Variants in PSMB1 observed in about 807,000 individuals in gnomAD.
PSMB1 encodes proteasome subunit beta type-1.
A neutral mutation model predicts 25.4 loss-of-function variants in PSMB1; 7 were observed. That is an observed-to-expected ratio of 0.28 (90% confidence interval 0.16 to 0.52). PSMB1 has a LOEUF of 0.52. PSMB1 is among the 20% of genes least tolerant of loss of function. The probability of loss-of-function intolerance (pLI) is 0.97; values close to 1 mark genes in which losing one functional copy is unlikely to be tolerated. For synonymous variants in PSMB1, 119 were observed against 115.0 expected (o/e 1.03, Z -0.22); for missense variants, 284 against 302.2 (o/e 0.94, Z 0.45).
At chr6:170,543,265 A>G (rs74600866) in intron 4 of PSMB1, among the ~76,000 whole-genome samples, 1 of 152,168 alleles carries the variant, frequency 6.6e-6, no homozygotes, top group African/African-American at 2.4e-5. Context: ...ATTTGTTAAT[A>G]AAAAAATTTT....
chr6:170,543,652 G>A lies in PSMB1; in HGVS notation c.382C>T (p.Arg128Cys), dbSNP rs2114978149. Residue 128 changes from arginine (R) to cysteine (C), a missense_variant, in exon 4 of 6, where the codon CGC becomes TGC. By Grantham distance (180) the Arg-to-Cys change is radical. Transcript: ENST00000262193. ...TTGTAAACATAGTATGGAAAGAAGCGCCTTGAATACAGGATTGTAGACAGC... is the reference window on the plus strand; with the variant it reads ...TTGTAAACATAGTATGGAAAGAAGCACCTTGAATACAGGATTGTAGACAGC... Reference protein sequence around the residue: ...AMLSTILYSRRFFPYYVYNII... With the variant: ...AMLSTILYSRCFFPYYVYNII... The A allele has an allele frequency of 6.2e-7, 1 of 1,611,352 alleles. No individual in the cohort carries two copies.
At chr6:170,550,038 T>C (rs564364179) in intron 1 of PSMB1, 2 of 152,284 alleles carry the variant, frequency 1.3e-5, no homozygotes, top group South Asian at 2.1e-4. Flanking sequence ...TCACAAGGTG[T>C]GTATATATAT....
At chr6:170,548,091 G>A (rs1220379795) in intron 2 of PSMB1, among the ~76,000 whole-genome samples, 2 of 152,170 alleles carry the variant, frequency 1.3e-5, no homozygotes, top group Non-Finnish European at 2.9e-5. Context: ...CAGAAAGGGG[G>A]TATCAAAAGA....
At chr6:170,536,625 C>T (rs929727374) in intron 5 of PSMB1, 6 of 362,046 alleles carry the variant, frequency 1.7e-5, no homozygotes, top group African/African-American at 1.3e-4. Flanking sequence ...TTTTCTCTTC[C>T]TATAATTTTC....
rs1311423483 is a variant in PSMB1, at chr6:170,535,639, G to A, written c.541-234C>T. Among the ~76,000 whole-genome samples, 5 of 152,192 alleles carry A rather than the reference G, an allele frequency of 3.3e-5. No homozygotes were observed. In the South Asian group the frequency reaches 8.3e-4, roughly 25 times the overall value. On this transcript the variant is annotated intron_variant, in intron 5 of 5. Coordinates refer to ENST00000262193, the MANE Select transcript of PSMB1 (RefSeq NM_002793.4). Reference sequence around the variant, plus strand: ...CCCACTCTTGAGAAGCACATGACCCGGAGAGGTGGACGTATGCAAGCAAAG... The same window carrying A: ...CCCACTCTTGAGAAGCACATGACCCAGAGAGGTGGACGTATGCAAGCAAAG...
At chr6:170,545,120 G>A (rs1359525943) in intron 3 of PSMB1, among the ~76,000 whole-genome samples, 1 of 151,134 alleles carries the variant, frequency 6.6e-6, no homozygotes, top group Non-Finnish European at 1.5e-5. Context: ...CTCCAGCCTG[G>A]GCAACAAGAG....
At chr6:170,536,878 T>C (rs553346767) in intron 5 of PSMB1, among the ~76,000 whole-genome samples, 7 of 152,222 alleles carry the variant, frequency 4.6e-5, no homozygotes, top group Admixed American at 1.3e-4. Context: ...AAGTACAGTA[T>C]TGGGTAACAC....
Position 170,537,347 on chromosome 6 carries a change from G to A in PSMB1, c.434-7C>T, listed in dbSNP as rs776188894. The stretch of plus-strand genomic sequence containing the variant: ...CTGTATACAGCCCCCTTTCCTTAAA[G>A]AAGAAAACAGTATTCATAAGGATGG... On this transcript the variant is annotated splice_polypyrimidine_tract_variant and splice_region_variant and intron_variant, in intron 4 of 5. Coordinates refer to ENST00000262193, the MANE Select transcript of PSMB1 (RefSeq NM_002793.4). The A allele has an allele frequency of 1.8e-5, 28 of 1,598,042 alleles. No individual in the cohort carries two copies. Among genetic ancestry groups the A allele is most frequent in the Non-Finnish European group, 1.8e-5 (21 of 1,166,020 alleles).
chr6:170,537,935 G>GA (rs1221841150), intron 4 of PSMB1, among the ~76,000 whole-genome samples: 2 of 152,182 alleles, frequency 1.3e-5, no homozygotes, highest in African/African-American at 4.8e-5. Context: ...AGGAAAGCAC[G>GA]ACTTATGTAT....
At chr6:170,536,096 C>G (rs1271382272) in intron 5 of PSMB1, among the ~76,000 whole-genome samples, 1 of 152,118 alleles carries the variant, frequency 6.6e-6, no homozygotes, top group Admixed American at 6.5e-5. Context: ...ATACAGGCGG[C>G]CTTTGAATAA....
chr6:170,550,112 T>C (rs939073366), intron 1 of PSMB1: 3 of 152,344 alleles, frequency 2.0e-5, no homozygotes, highest in East Asian at 1.9e-4. Context: ...TTCAATGCAA[T>C]AGTGGAAATT....
intron 3 of PSMB1, 31 bp from the exon 4 acceptor site, chr6:170,543,761 T>C (rs1439502175): frequency 6.3e-7 from 1 of 1,592,540 alleles, no homozygotes; most frequent in East Asian, 2.2e-5. Context: ...CACAGGCATG[T>C]AGAGGCAGAG....
intron 1 of PSMB1, chr6:170,550,089 C>G (rs946672005): frequency 6.6e-6 from 1 of 152,196 alleles, no homozygotes; most frequent in African/African-American, 2.4e-5. Context: ...TGACTGATAA[C>G]TATAACCACT....
intron 1 of PSMB1, among the ~76,000 whole-genome samples, chr6:170,552,682 C>T (rs2114983892): frequency 6.6e-6 from 1 of 152,340 alleles, no homozygotes; most frequent in African/African-American, 2.4e-5. Flanking sequence ...TCTAACAACA[C>T]AGACCAAACA....
At chr6:170,551,401 A>C (rs905918618) in intron 1 of PSMB1, among the ~76,000 whole-genome samples, 3 of 152,192 alleles carry the variant, frequency 2.0e-5, no homozygotes, top group Non-Finnish European at 4.4e-5. Flanking sequence ...ACAGAGTAGG[A>C]AAAGAGAATG....
At chr6:170,539,679 T>G (rs1778733997) in intron 4 of PSMB1, among the ~76,000 whole-genome samples, 1 of 152,076 alleles carries the variant, frequency 6.6e-6, no homozygotes, top group Non-Finnish European at 1.5e-5. Context: ...AAGAGTATAC[T>G]CAACAAAATA....
chr6:170,543,499 G>A, intron 4 of PSMB1, 102 bp downstream of exon 4: 3 of 1,168,544 alleles, frequency 2.6e-6, no homozygotes, highest in East Asian at 5.1e-5. Flanking sequence ...TGAGAATTGT[G>A]TCAGATGGTA....
chr6:170,544,155 T>C (rs996505019), intron 3 of PSMB1, among the ~76,000 whole-genome samples: 3 of 152,176 alleles, frequency 2.0e-5, no homozygotes, highest in Admixed American at 2.0e-4. Flanking sequence ...CGTGGCTGCT[T>C]TTTCACTACA....
intron 4 of PSMB1, among the ~76,000 whole-genome samples, chr6:170,539,757 TG>T (rs1339781722): frequency 6.6e-6 from 1 of 152,096 alleles, no homozygotes; most frequent in African/African-American, 2.4e-5. Context: ...CAAGCATAAT[TG>T]GGGAAGTACA....
Sources: allele counts gnomAD v4.1 joint callset (sites outside exome capture counted in the v4.1 genomes callset), GRCh38; gene constraint gnomAD v4.1.1; transcripts MANE v1.5; gene names NCBI Gene and HGNC (gene_info 2026-07-23, HGNC 2026-07-21).